The following UVSSA variants were observed in gnomAD, a reference collection of about 807,000 sequenced individuals.
The protein encoded by UVSSA is UV-stimulated scaffold protein A.
In UVSSA, 72 loss-of-function variants were observed where a neutral mutation model predicts 73.9. The observed-to-expected ratio is 0.97, with a 90% CI of 0.81 to 1.19. UVSSA has a LOEUF of 1.19. Among genes scored for constraint, UVSSA ranks in the 50% most tolerant of loss-of-function variants. UVSSA has a pLI of 0.00. For missense variants in UVSSA, 1,150 were observed against 965.0 expected (o/e 1.19, Z -2.54); for synonymous variants, 454 against 391.3 (o/e 1.16, Z -1.89).
rs980353929 is a variant in UVSSA at position 1,386,682 on chromosome 4, T to A, written c.*721T>A. ...AGTCTATTCAAACCTCTTGCCTATT[T>A]TTAATTGAATGATTTATCTTGAGTT... On this transcript the variant is annotated 3_prime_UTR_variant, in exon 14 of 14. Transcript: ENST00000389851. 4 of 151,932 alleles carry A rather than the reference T, an allele frequency of 2.6e-5. No homozygotes were observed. Among genetic ancestry groups the A allele is most frequent in the African/African-American group, 7.3e-5 (3 of 41,302 alleles). The allele number at this position is 151,932 out of a possible 1,614,324, so 9.4% of individuals were successfully genotyped here.
At chr4:1,347,825 C>T in intron 1 of UVSSA, 65 bp downstream of exon 1, 1 of 410,608 alleles carries the variant, frequency 2.4e-6, no homozygotes. Flanking sequence ...CCACTGGTTC[C>T]TTTAACGCAC....
intron 5 of UVSSA, 138 bp downstream of exon 5, chr4:1,353,551 G>T (rs1396719568): frequency 1.6e-6 from 2 of 1,229,790 alleles, no homozygotes; most frequent in African/African-American, 3.1e-5. Flanking sequence ...TCACCACCAG[G>T]TTTTTCCTTT....
chr4:1,346,647 G>C (rs1177783790), upstream of UVSSA, among the ~76,000 whole-genome samples: 4 of 152,098 alleles, frequency 2.6e-5, no homozygotes, highest in African/African-American at 9.7e-5. Context: ...CGGGGTTCAG[G>C]GCGCCCTGCG....
At chr4:1,379,477 CACCTGGGACGCCTGGGAG>C (rs879714134) in intron 10 of UVSSA, among the ~76,000 whole-genome samples, 51 of 144,468 alleles carry the variant, frequency 3.5e-4, no homozygotes, top group Non-Finnish European at 4.4e-4. Flanking sequence ...GGAGCGGACG[CACCTGGGACGCCTGGGAG>C]ACCTGGGACG....
At chr4:1,371,692 T>G (rs1718055962) in intron 8 of UVSSA, among the ~76,000 whole-genome samples, 1 of 152,168 alleles carries the variant, frequency 6.6e-6, no homozygotes, top group Non-Finnish European at 1.5e-5. Context: ...CTCCCGCTTT[T>G]ACAGCCGTCA....
intron 4 of UVSSA, 112 bp downstream of exon 4, chr4:1,351,947 C>A: frequency 6.6e-7 from 1 of 1,505,638 alleles, no homozygotes; most frequent in Admixed American, 2.0e-5. Flanking sequence ...GGTTTTGAGA[C>A]AGGCTAGGTG....
At chr4:1,343,136 T>C (rs1169113447), upstream of UVSSA, among the ~76,000 whole-genome samples, 2 of 152,212 alleles carry the variant, frequency 1.3e-5, no homozygotes, top group Non-Finnish European at 2.9e-5. Context: ...CTAGCGGGTT[T>C]AAACAATGGA....
chr4:1,351,184 G>A (rs1444073648), intron 3 of UVSSA, among the ~76,000 whole-genome samples: 25 of 140,262 alleles, frequency 1.8e-4, no homozygotes, highest in East Asian at 6.6e-4. Flanking sequence ...TCCTGCCTCA[G>A]CCTCCCAAGT....
chr4:1,376,472 C>T (rs1252226136), intron 10 of UVSSA, among the ~76,000 whole-genome samples: 1 of 152,212 alleles, frequency 6.6e-6, no homozygotes, highest in East Asian at 1.9e-4. Context: ...AAAGGCGGCC[C>T]TGGGGCCCGT....
chr4:1,365,669 G>A (rs1169769367), intron 7 of UVSSA, among the ~76,000 whole-genome samples: 1 of 152,248 alleles, frequency 6.6e-6, no homozygotes, highest in Non-Finnish European at 1.5e-5. Context: ...TGTTCCAGAA[G>A]TACTTGTCCC....
intron 7 of UVSSA, among the ~76,000 whole-genome samples, chr4:1,360,957 A>T (rs945814111): frequency 1.3e-5 from 2 of 152,174 alleles, no homozygotes. Context: ...AGAACGTCCT[A>T]TGTGGGACCC....
intron 13 of UVSSA, 197 bp from the exon 14 acceptor site, chr4:1,385,671 A>T: frequency 1.6e-6 from 1 of 609,322 alleles, no homozygotes; most frequent in South Asian, 2.0e-5. Context: ...GGCCCTTTCT[A>T]AGCCTGTCTG....
chr4:1,342,491 G>GCAGAT (rs1247452802), upstream of UVSSA, among the ~76,000 whole-genome samples: 3 of 152,150 alleles, frequency 2.0e-5, no homozygotes, highest in African/African-American at 7.2e-5. Flanking sequence ...CATTTGATCA[G>GCAGAT]CAGATTTTTT....
At chr4:1,355,852 C>T (rs1009322810) in intron 7 of UVSSA, among the ~76,000 whole-genome samples, 9 of 152,200 alleles carry the variant, frequency 5.9e-5, no homozygotes, top group Non-Finnish European at 5.9e-5. Flanking sequence ...GAGCAGAGAC[C>T]GTCGCATTGG....
intron 8 of UVSSA, among the ~76,000 whole-genome samples, chr4:1,371,338 G>A (rs1344904512): frequency 6.6e-6 from 1 of 151,426 alleles, no homozygotes; most frequent in Non-Finnish European, 1.5e-5. Context: ...GAGCTCTCTG[G>A]TGGCCTCTGT....
At chr4:1,388,455 T>G (rs1374209737), downstream of UVSSA, 3 of 152,364 alleles carry the variant, frequency 2.0e-5, no homozygotes, top group Admixed American at 6.5e-5. Flanking sequence ...ATTTCTTTTA[T>G]TTCTCTTACC....
Position 1,353,400 on chromosome 4 carries a change from G to T in UVSSA, c.921G>T (p.Val307=). 6.4e-7 allele frequency: 1 copy of T among 1,568,962 alleles called. No individual in the cohort carries two copies. Residue 307 remains valine, a synonymous_variant, in exon 5 of 14, where the codon GTG becomes GTT. Coordinates refer to ENST00000389851, the MANE Select transcript of UVSSA (RefSeq NM_020894.4). ...GCTCGCACAAGTACACGCTGGATGT[G>T]GAGCTCTGCTCAGGTAACTGCCTTC... ...GLGSHKYTLD[V]ELCSEGLKVQ... is the part of the protein sequence containing the mutation.
intron 8 of UVSSA, among the ~76,000 whole-genome samples, chr4:1,373,477 C>T (rs1215056887): frequency 6.6e-6 from 1 of 152,198 alleles, no homozygotes; most frequent in Non-Finnish European, 1.5e-5. Context: ...TTTGGCAACA[C>T]CCTCGCAGAC....
chr4:1,375,515 C>T lies in UVSSA; in HGVS notation c.1433+7C>T. 6.2e-7 allele frequency: 1 copy of T among 1,608,022 alleles called. No individual in the cohort carries two copies. Among genetic ancestry groups the T allele is most frequent in the Non-Finnish European group, 8.5e-7 (1 of 1,179,482 alleles). ...CTCCACCCTCATCTGCCAGGTGACT[C>T]CCAGTGTCCTGTGTGCTGAGCCCCC... On this transcript the variant is annotated splice_region_variant and intron_variant, in intron 9 of 13. Coordinates refer to ENST00000389851, the MANE Select transcript of UVSSA (RefSeq NM_020894.4).
Sources: gnomAD v4.1 joint callset for allele counts (sites outside exome capture counted in the v4.1 genomes callset) on GRCh38, gnomAD v4.1.1 for gene constraint, MANE v1.5 for transcripts, NCBI Gene and HGNC (gene_info 2026-07-23, HGNC 2026-07-21) for gene names.